The following CUBN variants were observed in gnomAD, a reference collection of about 807,000 sequenced individuals.
CUBN encodes 460 kDa receptor.
A neutral mutation model predicts 405.3 loss-of-function variants in CUBN; 282 were observed. The ratio of observed to expected loss-of-function variants is 0.70; its 90% CI spans 0.63 to 0.77. The LOEUF is 0.77. CUBN is among the 30% of genes least tolerant of loss of function. The pLI, the probability that CUBN is intolerant of heterozygous loss-of-function variation, is 0.00. For missense variants in CUBN, 4,514 were observed against 4,475.2 expected (o/e 1.01, Z -0.25); for synonymous variants, 1,684 against 1,617.0 (o/e 1.04, Z -0.99).
At chr10:17,040,722 C>T (rs79831629) in intron 27 of CUBN, among the ~76,000 whole-genome samples, 5,648 of 152,112 alleles carry the variant, frequency 0.037, 215 homozygotes, top group South Asian at 0.21. Context: ...ATCTCTTATA[C>T]ACAGAGAACA....
At chr10:16,843,495 T>G (rs537305897) in intron 60 of CUBN, among the ~76,000 whole-genome samples, 2 of 152,314 alleles carry the variant, frequency 1.3e-5, no homozygotes, top group East Asian at 3.9e-4. Context: ...AACATGATTT[T>G]AGTTAATTCA....
chr10:16,848,826 C>A (rs1041490952), intron 60 of CUBN, among the ~76,000 whole-genome samples: 6 of 150,612 alleles, frequency 4.0e-5, no homozygotes, highest in Non-Finnish European at 5.9e-5. Flanking sequence ...CTCAGTCTCC[C>A]GAGAAGCTGG....
chr10:17,094,972 T>C (rs1165315252), intron 14 of CUBN, among the ~76,000 whole-genome samples: 2 of 151,836 alleles, frequency 1.3e-5, no homozygotes, highest in Non-Finnish European at 2.9e-5. Context: ...AAAAATACAT[T>C]TAAAATAAAA....
intron 27 of CUBN, among the ~76,000 whole-genome samples, chr10:17,037,608 G>A (rs765296981): frequency 1.3e-5 from 2 of 152,108 alleles, no homozygotes; most frequent in Non-Finnish European, 2.9e-5. Context: ...CCAATTCTGG[G>A]GCCACATTTA....
chr10:16,874,611 A>C, intron 57 of CUBN, 108 bp from the exon 58 acceptor site: 1 of 1,243,426 alleles, frequency 8.0e-7, no homozygotes, highest in Non-Finnish European at 1.1e-6. Flanking sequence ...AAAAGAGGTA[A>C]TAATTATTTT....
intron 40 of CUBN, among the ~76,000 whole-genome samples, chr10:16,928,532 C>CCCTTT (rs1403918589): frequency 5.9e-3 from 628 of 107,050 alleles, no homozygotes; most frequent in Non-Finnish European, 7.5e-3. Flanking sequence ...CCACCCCCCC[C>CCCTTT]TTTTTTTTTT....
At chr10:16,919,468 A>T (rs554032991) in intron 44 of CUBN, among the ~76,000 whole-genome samples, 1 of 152,212 alleles carries the variant, frequency 6.6e-6, no homozygotes, top group Non-Finnish European at 1.5e-5. Flanking sequence ...CAACATAGTA[A>T]GACTTACTGT....
At chr10:16,947,179 C>G in intron 36 of CUBN, 56 bp downstream of exon 36, 1 of 1,590,514 alleles carries the variant, frequency 6.3e-7, no homozygotes, top group Non-Finnish European at 8.6e-7. Context: ...AGCACCAGAA[C>G]TTCTTTCCTA....
At chr10:16,973,145 G>A (rs2932908) in intron 31 of CUBN, among the ~76,000 whole-genome samples, 93,333 of 151,962 alleles carry the variant, frequency 0.61, 29,095 homozygotes, top group Middle Eastern at 0.69. Context: ...CATGCTCCCC[G>A]GCATTTCTTC....
intron 58 of CUBN, 106 bp from the exon 59 acceptor site, chr10:16,869,959 C>T: frequency 2.6e-6 from 2 of 770,486 alleles, no homozygotes; most frequent in Non-Finnish European, 4.6e-6. Flanking sequence ...ACCAGTAGAG[C>T]ATTCAAAACT....
chr10:16,951,063 C>G (rs1251557123), intron 33 of CUBN, among the ~76,000 whole-genome samples: 1 of 152,158 alleles, frequency 6.6e-6, no homozygotes, highest in Non-Finnish European at 1.5e-5. Context: ...TTTAAGCTCC[C>G]TAATCTTCAG....
chr10:16,888,393 A>T (rs1564404401), intron 56 of CUBN, 24 bp downstream of exon 56: 2 of 1,596,198 alleles, frequency 1.3e-6, no homozygotes, highest in East Asian at 2.2e-5. Flanking sequence ...ATTAAACGTA[A>T]TTTTTTTAAA....
At chr10:17,080,973 A>G (rs977016124) in intron 17 of CUBN, among the ~76,000 whole-genome samples, 11 of 152,216 alleles carry the variant, frequency 7.2e-5, no homozygotes, top group African/African-American at 2.2e-4. Flanking sequence ...TGGGTAATGT[A>G]TATCTTTAAA....
Position 17,117,130 on chromosome 10 carries a change from A to G in CUBN, c.594-1533T>C, listed in dbSNP as rs112670479. Among the ~76,000 whole-genome samples, 1,159 of 151,468 alleles carry G rather than the reference A, an allele frequency of 7.7e-3. 11 individuals carry two copies. The highest frequency in any genetic ancestry group is 0.027 in the African/African-American group (1,104 of 41,284). ...AGAAATTGAATTATCCATCCCCCCC[A>G]TAGACATTTATATTCCCCGCATCTC... On this transcript the variant is annotated intron_variant, in intron 6 of 66. Coordinates refer to ENST00000377833, the MANE Select transcript of CUBN (RefSeq NM_001081.4).
intron 60 of CUBN, among the ~76,000 whole-genome samples, chr10:16,845,389 C>T (rs969077607): frequency 2.6e-5 from 4 of 152,138 alleles, no homozygotes; most frequent in Admixed American, 6.6e-5. Context: ...ATTCTTTGAT[C>T]TTATTGCAGA....
chr10:16,830,123 AT>A (rs1838938367), intron 65 of CUBN, among the ~76,000 whole-genome samples: 1 of 152,068 alleles, frequency 6.6e-6, no homozygotes, highest in Non-Finnish European at 1.5e-5. Flanking sequence ...TTTAGTGGAG[AT>A]GGGGTTTCAC....
In CUBN at chr10:17,124,862, C is replaced by T. The variant is rs192047657; in HGVS notation, c.388-1173G>A. Among the ~76,000 whole-genome samples, 572 of 147,988 alleles carry T rather than the reference C, an allele frequency of 3.9e-3. 3 individuals are homozygous for T. Among genetic ancestry groups the T allele is most frequent in the African/African-American group, 0.014 (543 of 40,112 alleles). On this transcript the variant is annotated intron_variant, in intron 4 of 66. Coordinates refer to ENST00000377833, the MANE Select transcript of CUBN (RefSeq NM_001081.4). ...TTTGTTTGTTTTTGAGATGGAGCCT[C>T]GGTCTGTCACCCAGGCTGGAGTGCA...
chr10:17,126,113 A>G lies in CUBN; in HGVS notation c.387+648T>C, dbSNP rs1837177690. On this transcript the variant is annotated intron_variant, in intron 4 of 66. Coordinates refer to ENST00000377833, the MANE Select transcript of CUBN (RefSeq NM_001081.4). ...GAAGAATATTTTTGCAGAAATTCTT[A>G]CACTGGAATCCCCAGATTTTTATGC... is the stretch of plus-strand genomic sequence containing the variant. 2.0e-5 allele frequency among the ~76,000 whole-genome samples: 3 copies of G among 152,216 alleles called. No homozygotes were observed. In the South Asian group the frequency reaches 6.2e-4, roughly 32 times the overall value.
chr10:16,917,274 T>G (rs1841909258), intron 45 of CUBN, among the ~76,000 whole-genome samples: 2 of 152,186 alleles, frequency 1.3e-5, no homozygotes. Context: ...CATACTGCAT[T>G]TCTTCCTTTT....
Sources: gnomAD v4.1 joint callset for allele counts (sites outside exome capture counted in the v4.1 genomes callset) on GRCh38, gnomAD v4.1.1 for gene constraint, MANE v1.5 for transcripts, NCBI Gene and HGNC (gene_info 2026-07-23, HGNC 2026-07-21) for gene names.